The following RAB10 variants were observed in gnomAD, a reference collection of about 807,000 sequenced individuals.
The protein encoded by RAB10 is ras-related protein Rab-10.
Under a neutral mutation model 25.7 loss-of-function variants are expected in RAB10, and 5 were observed. That is an observed-to-expected ratio of 0.19 (90% confidence interval 0.10 to 0.41). The LOEUF is 0.41. Ranked by LOEUF, RAB10 falls within the 10% of genes least tolerant of loss-of-function variation. The pLI is 1.00. For missense variants in RAB10, 103 were observed against 245.8 expected, an observed-to-expected ratio of 0.42 and a Z score of 3.89; for synonymous variants, 89 against 86.4, an observed-to-expected ratio of 1.03 and a Z score of -0.16.
chr2:26,120,953 C>T (rs1428045704), intron 3 of RAB10, among the ~76,000 whole-genome samples: 1 of 151,828 alleles, frequency 6.6e-6, no homozygotes, highest in African/African-American at 2.4e-5. Context: ...GCTCTGTCAC[C>T]CAGGCTGGAG....
chr2:26,037,366 C>T (rs1022809923), intron 1 of RAB10, among the ~76,000 whole-genome samples: 4 of 152,116 alleles, frequency 2.6e-5, no homozygotes, highest in Non-Finnish European at 2.9e-5. Context: ...AGGCTGGGCA[C>T]GGTGGCTCAC....
At chr2:26,061,092 C>CTTTTTTTTTTTTTTTTTTTT (rs5829993) in intron 1 of RAB10, among the ~76,000 whole-genome samples, 94 of 83,636 alleles carry the variant, frequency 1.1e-3, no homozygotes, top group Middle Eastern at 0.01. Context: ...TTATCTCTGT[C>CTTTTTTTTTTTTTTTTTTTT]TTTTTTTTTT....
intron 1 of RAB10, among the ~76,000 whole-genome samples, chr2:26,077,064 C>G (rs1030984596): frequency 2.0e-5 from 3 of 151,932 alleles, no homozygotes; most frequent in African/African-American, 7.3e-5. Flanking sequence ...AAATTTAAAA[C>G]CACCTCTGGA....
chr2:26,115,753 CTG>C (rs1056955376), intron 3 of RAB10, among the ~76,000 whole-genome samples: 3 of 151,930 alleles, frequency 2.0e-5, no homozygotes, highest in Non-Finnish European at 2.9e-5. Flanking sequence ...AAACTCAAAA[CTG>C]TTATTTTTTT....
Position 26,045,288 on chromosome 2 carries a change from G to A in RAB10, c.127+10553G>A, listed in dbSNP as rs1007492356. Among the ~76,000 whole-genome samples, 33 of 150,720 alleles carry A rather than the reference G, an allele frequency of 2.2e-4. 1 individual carries two copies. The highest frequency in any genetic ancestry group is 2.7e-4 in the Non-Finnish European group (18 of 67,848). ...AGAGTCTCGTTCTGTCGCCCAGGCT[G>A]GAGTGCAGTGGCACAATCTCGGCTC... On this transcript the variant is annotated intron_variant, in intron 1 of 5. Transcript: ENST00000264710.
In RAB10 at chr2:26,136,501, T is replaced by C. The variant is rs978662744; in HGVS notation, c.*1480T>C. On this transcript the variant is annotated 3_prime_UTR_variant, in exon 6 of 6. Transcript: ENST00000264710. ...CATGTAAAGATAAGATCTTTAGCTA[T>C]CTCTAACCCTGTCCTTTTTTCACTG... 1.3e-5 allele frequency: 2 copies of C among 152,674 alleles called. No individual in the cohort carries two copies. Among genetic ancestry groups the C allele is most frequent in the Non-Finnish European group, 2.9e-5 (2 of 68,042 alleles). 9.5% of individuals were successfully genotyped at this position (152,674 alleles called of 1,614,324 possible).
Position 26,062,679 on chromosome 2 carries a change from A to AAAGT in RAB10, c.127+27946_127+27947insGTAA, listed in dbSNP as rs1553725059. ...GGCAATAGAGCGAGACTCTGTCTCA[A>AAAGT]AAATAAATAAATAAATAAATAAATA... On this transcript the variant is annotated intron_variant, in intron 1 of 5. Coordinates refer to ENST00000264710, the MANE Select transcript of RAB10 (RefSeq NM_016131.5). 6.1e-5 allele frequency among the ~76,000 whole-genome samples: 9 copies of AAAGT among 148,500 alleles called. No homozygotes were observed. In the East Asian group the frequency reaches 1.6e-3, roughly 26 times the overall value.
intron 1 of RAB10, among the ~76,000 whole-genome samples, chr2:26,052,699 A>G (rs956108059): frequency 6.6e-6 from 1 of 151,964 alleles, no homozygotes; most frequent in African/African-American, 2.4e-5. Flanking sequence ...ATTTGTATTT[A>G]ATCTTATTTT....
At chr2:26,050,462 G>T (rs183315764) in intron 1 of RAB10, among the ~76,000 whole-genome samples, 1 of 152,076 alleles carries the variant, frequency 6.6e-6, no homozygotes, top group African/African-American at 2.4e-5. Flanking sequence ...ACCTTGGTAG[G>T]TGGGTCTTTT....
At chr2:26,111,324 G>A (rs1415857341) in intron 3 of RAB10, among the ~76,000 whole-genome samples, 1 of 152,154 alleles carries the variant, frequency 6.6e-6, no homozygotes, top group Admixed American at 6.5e-5. Flanking sequence ...ACAGATCTTG[G>A]CTGGGCGCGG....
intron 1 of RAB10, among the ~76,000 whole-genome samples, chr2:26,047,035 T>C (rs1290775871): frequency 6.6e-6 from 1 of 152,248 alleles, no homozygotes; most frequent in Non-Finnish European, 1.5e-5. Context: ...ACAACCAGAA[T>C]ATTGACATCT....
At chr2:26,047,762 T>C (rs1666047122) in intron 1 of RAB10, among the ~76,000 whole-genome samples, 3 of 128,938 alleles carry the variant, frequency 2.3e-5, no homozygotes, top group South Asian at 2.5e-4. Context: ...CTCACTTTGT[T>C]GCCCAGGCTG....
chr2:26,101,764 C>T (rs894230990), intron 2 of RAB10: 39 of 152,234 alleles, frequency 2.6e-4, no homozygotes, highest in African/African-American at 9.2e-4. Context: ...GAATACCTAA[C>T]ACACAGACTG....
chr2:26,083,389 TCTCTC>T, intron 1 of RAB10, among the ~76,000 whole-genome samples: 1 of 150,986 alleles, frequency 6.6e-6, no homozygotes, highest in Non-Finnish European at 1.5e-5. Flanking sequence ...TTTTCTCTCT[TCTCTC>T]CCCTCCCCTC....
chr2:26,036,730 C>T (rs1251143114), intron 1 of RAB10, among the ~76,000 whole-genome samples: 1 of 151,872 alleles, frequency 6.6e-6, no homozygotes, highest in Admixed American at 6.6e-5. Context: ...TAGGGCCTTT[C>T]TGGAAAAGGG....
At chr2:26,116,263 C>T (rs1667685924) in intron 3 of RAB10, among the ~76,000 whole-genome samples, 1 of 152,148 alleles carries the variant, frequency 6.6e-6, no homozygotes, top group Non-Finnish European at 1.5e-5. Context: ...AATAATTCTC[C>T]CATCTCAGCC....
intron 1 of RAB10, among the ~76,000 whole-genome samples, chr2:26,077,995 A>T (rs986318076): frequency 2.0e-5 from 3 of 152,162 alleles, no homozygotes; most frequent in Admixed American, 6.6e-5. Context: ...AATAAATAAA[A>T]AAGGTAAAGG....
Position 26,136,790 on chromosome 2 carries a change from T to C in RAB10, c.*1769T>C, listed in dbSNP as rs1668121261. 6.6e-6 allele frequency: 1 copy of C among 152,604 alleles called. No homozygotes were observed. Among genetic ancestry groups the C allele is most frequent in the Admixed American group, 6.5e-5 (1 of 15,278 alleles). The allele number at this position is 152,604 out of a possible 1,614,324, so 9.5% of individuals were successfully genotyped here. On this transcript the variant is annotated 3_prime_UTR_variant, in exon 6 of 6. Coordinates refer to ENST00000264710, the MANE Select transcript of RAB10 (RefSeq NM_016131.5). ...GAAAATCCACAAATTTTTCAGATAGTGCCCTAAAAACAATTTTATATGCCT... is the reference window on the plus strand; with the variant it reads ...GAAAATCCACAAATTTTTCAGATAGCGCCCTAAAAACAATTTTATATGCCT...
chr2:26,059,818 A>G (rs960447575), intron 1 of RAB10, among the ~76,000 whole-genome samples: 3 of 152,208 alleles, frequency 2.0e-5, no homozygotes, highest in Admixed American at 2.0e-4. Flanking sequence ...AAGATGAAAA[A>G]GTTCTGGAGA....
Sources: gnomAD v4.1 joint callset for allele counts (sites outside exome capture counted in the v4.1 genomes callset) on GRCh38, gnomAD v4.1.1 for gene constraint, MANE v1.5 for transcripts, NCBI Gene and HGNC (gene_info 2026-07-23, HGNC 2026-07-21) for gene names.